The following PARP8 variants were observed in gnomAD, a reference collection of about 807,000 sequenced individuals.
PARP8 encodes poly(ADP-ribose) polymerase family member 8, also known as protein mono-ADP-ribosyltransferase PARP8.
A neutral mutation model predicts 124.1 loss-of-function variants in PARP8; 51 were observed. The observed-to-expected ratio is 0.41, with a 90% CI of 0.33 to 0.52. The LOEUF (loss-of-function observed/expected upper bound fraction) is 0.52, where lower values mean the gene tolerates loss of function less well. Among genes scored for constraint, PARP8 ranks in the 20% least tolerant of loss-of-function variants. PARP8 has a pLI of 0.21. For synonymous variants in PARP8, 391 were observed against 361.5 expected, an observed-to-expected ratio of 1.08 and a Z score of -0.93; for missense variants, 860 against 1,018.9, an observed-to-expected ratio of 0.84 and a Z score of 2.12.
intron 2 of PARP8, among the ~76,000 whole-genome samples, chr5:50,699,338 A>G (rs1753352658): frequency 6.6e-6 from 1 of 152,220 alleles, no homozygotes; most frequent in South Asian, 2.1e-4. Flanking sequence ...CGTTCCCTAA[A>G]GGACATGGAT....
At chr5:50,774,252 G>A (rs1258345769) in intron 7 of PARP8, among the ~76,000 whole-genome samples, 10 of 152,046 alleles carry the variant, frequency 6.6e-5, no homozygotes, top group African/African-American at 9.7e-5. Context: ...ACACAGACAC[G>A]GTAACAATCT....
Position 50,840,839 on chromosome 5 carries a change from A to G in PARP8, c.2463-1127A>G, listed in dbSNP as rs1748104097. On this transcript the variant is annotated intron_variant, in intron 25 of 25. Coordinates refer to ENST00000281631, the MANE Select transcript of PARP8 (RefSeq NM_024615.4). The stretch of plus-strand genomic sequence containing the variant: ...TACCACATATCCCATTCTTTTTCTT[A>G]GGGTAATGTTTCACCATGAGGTGTC... Among the ~76,000 whole-genome samples, 6 of 151,888 alleles carry G rather than the reference A, an allele frequency of 4.0e-5. 1 individual carries two copies. In the South Asian group the frequency reaches 1.2e-3, roughly 31 times the overall value.
At chr5:50,692,768 G>A (rs1214613992) in intron 2 of PARP8, among the ~76,000 whole-genome samples, 1 of 151,970 alleles carries the variant, frequency 6.6e-6, no homozygotes, top group East Asian at 1.9e-4. Context: ...GGCCCACCCG[G>A]CTCATCATTC....
rs542731815 is a variant in PARP8, at chr5:50,823,806, G to T, written c.1861-1102G>T. Among the ~76,000 whole-genome samples the T allele has an allele frequency of 2.6e-5, 4 of 152,340 alleles. No homozygotes were observed. In the East Asian group the frequency reaches 5.8e-4, roughly 22 times the overall value. ...AATAGAAGGGAACGTAGACGACTGA[G>T]CGTCAGCCTAGGAAGTTAAGAAGCC... On this transcript the variant is annotated intron_variant, in intron 17 of 25. Coordinates refer to ENST00000281631, the MANE Select transcript of PARP8 (RefSeq NM_024615.4).
chr5:50,797,372 A>C, intron 14 of PARP8, 139 bp downstream of exon 14: 1 of 600,196 alleles, frequency 1.7e-6, no homozygotes, highest in South Asian at 2.8e-5. Flanking sequence ...TATAATTTTG[A>C]CAAAATAGTA....
intron 2 of PARP8, among the ~76,000 whole-genome samples, chr5:50,706,273 A>G (rs1194938419): frequency 6.6e-6 from 1 of 151,986 alleles, no homozygotes; most frequent in Non-Finnish European, 1.5e-5. Flanking sequence ...GTGACGTTTC[A>G]TATGCTTTTA....
intron 14 of PARP8, among the ~76,000 whole-genome samples, chr5:50,810,780 A>G (rs1329109644): frequency 6.6e-6 from 1 of 152,236 alleles, no homozygotes; most frequent in Non-Finnish European, 1.5e-5. Context: ...TACGTCTTAC[A>G]TCTTAAATAC....
Position 50,703,599 on chromosome 5 carries a change from A to G in PARP8, c.146+35474A>G, listed in dbSNP as rs1481620005. Among the ~76,000 whole-genome samples, 13 of 152,210 alleles carry G rather than the reference A, an allele frequency of 8.5e-5. No homozygotes were observed. The East Asian group carries it at 2.5e-3, about 29-fold the overall frequency. ...CCTCTATTCTCGCTTGGGAGAACAA[A>G]GCTGTGAAATCCCCTGATCTCAGTG... On this transcript the variant is annotated intron_variant, in intron 2 of 25. Transcript: ENST00000281631.
At chr5:50,834,188 A>G in intron 24 of PARP8, 140 bp downstream of exon 24, 1 of 655,466 alleles carries the variant, frequency 1.5e-6, no homozygotes, top group Non-Finnish European at 2.5e-6. Context: ...GCACAAATGC[A>G]AAAACGGGTA....
At chr5:50,778,865 C>T (rs1478510791) in intron 9 of PARP8, among the ~76,000 whole-genome samples, 1 of 152,044 alleles carries the variant, frequency 6.6e-6, no homozygotes, top group Non-Finnish European at 1.5e-5. Context: ...TTTTCAGAAA[C>T]TGACAAGTTT....
At chr5:50,829,182 C>A (rs562657807) in intron 21 of PARP8, among the ~76,000 whole-genome samples, 6 of 152,172 alleles carry the variant, frequency 3.9e-5, no homozygotes, top group Non-Finnish European at 8.8e-5. Context: ...TGGCAGTCAT[C>A]TTCATCTTTA....
chr5:50,718,336 T>C (rs1755527831), intron 2 of PARP8, among the ~76,000 whole-genome samples: 2 of 152,020 alleles, frequency 1.3e-5, no homozygotes, highest in South Asian at 2.1e-4. Flanking sequence ...TAAGAAGCAA[T>C]CTTGCATAAT....
intron 9 of PARP8, among the ~76,000 whole-genome samples, chr5:50,784,334 G>C (rs1194927722): frequency 6.6e-6 from 1 of 152,038 alleles, no homozygotes; most frequent in African/African-American, 2.4e-5. Context: ...AGGATTATTT[G>C]TATTATATAT....
At chr5:50,832,391 C>G (rs1747081217) in intron 22 of PARP8, among the ~76,000 whole-genome samples, 1 of 152,054 alleles carries the variant, frequency 6.6e-6, no homozygotes, top group Non-Finnish European at 1.5e-5. Flanking sequence ...CAAATAACAA[C>G]AAAAGTTCAG....
chr5:50,705,026 A>G (rs1275846743), intron 2 of PARP8, among the ~76,000 whole-genome samples: 1 of 152,212 alleles, frequency 6.6e-6, no homozygotes, highest in East Asian at 1.9e-4. Flanking sequence ...GACATTTACA[A>G]ATGGGCAAAT....
Position 50,794,943 on chromosome 5 carries a change from G to T in PARP8, c.954G>T (p.Leu318=). 1 of 1,614,212 alleles carries T rather than the reference G, an allele frequency of 6.2e-7. No individual in the cohort carries two copies. Among genetic ancestry groups the T allele is most frequent in the Non-Finnish European group, 8.5e-7 (1 of 1,180,038 alleles). The change falls in exon 12 of 26, where the codon CTG becomes CTT. Residue 318 remains leucine (L), a synonymous_variant. Transcript: ENST00000281631. ...GAATCTCCAAAACGCATAAGCTGCT[G>T]CGGAGGACTTGTTCCAGCACAGTCA... ...QDGISKTHKL[L]RRTCSSTVKT...
intron 9 of PARP8, among the ~76,000 whole-genome samples, chr5:50,781,695 G>A (rs1740692522): frequency 6.6e-6 from 1 of 152,072 alleles, no homozygotes. Context: ...TTTTTCCTGG[G>A]GAGTGCAGAT....
intron 2 of PARP8, among the ~76,000 whole-genome samples, chr5:50,710,763 C>T (rs1411455207): frequency 2.0e-5 from 3 of 152,086 alleles, no homozygotes; most frequent in Admixed American, 1.3e-4. Flanking sequence ...AGCAGTGTAA[C>T]TCTGGTGTAG....
chr5:50,832,689 C>A, intron 22 of PARP8, 92 bp from the exon 23 acceptor site: 1 of 1,261,938 alleles, frequency 7.9e-7, no homozygotes, highest in Non-Finnish European at 1.1e-6. Flanking sequence ...CAAACCTTTA[C>A]CTAGAATGGA....
Sources: allele counts gnomAD v4.1 joint callset (sites outside exome capture counted in the v4.1 genomes callset), GRCh38; gene constraint gnomAD v4.1.1; transcripts MANE v1.5; gene names NCBI Gene and HGNC (gene_info 2026-07-23, HGNC 2026-07-21).